ROR2: variants seen among roughly 807,000 people sequenced by gnomAD.
ROR2 encodes tyrosine-protein kinase transmembrane receptor ROR2.
Under a neutral mutation model 74.9 loss-of-function variants are expected in ROR2, and 33 were observed. The observed-to-expected ratio is 0.44, with a 90% CI of 0.33 to 0.59. The LOEUF is 0.59. ROR2 is among the 20% of genes least tolerant of loss of function. The pLI is 0.02. For missense variants in ROR2, 1,216 were observed against 1,313.8 expected, an observed-to-expected ratio of 0.93 and a Z score of 1.15; for synonymous variants, 586 against 558.7, an observed-to-expected ratio of 1.05 and a Z score of -0.69.
intron 1 of ROR2, among the ~76,000 whole-genome samples, chr9:91,842,092 G>A (rs1828797755): frequency 1.3e-5 from 2 of 152,132 alleles, no homozygotes; most frequent in East Asian, 1.9e-4. Flanking sequence ...GCAGACCCAT[G>A]CCTGCAAAGC....
intron 1 of ROR2, among the ~76,000 whole-genome samples, chr9:91,848,096 A>G (rs1215741728): frequency 6.6e-6 from 1 of 152,236 alleles, no homozygotes; most frequent in African/African-American, 2.4e-5. Flanking sequence ...ATGGAAATGG[A>G]TGTGATTTTA....
intron 1 of ROR2, among the ~76,000 whole-genome samples, chr9:91,809,263 T>C (rs1017873673): frequency 3.3e-5 from 5 of 152,154 alleles, no homozygotes; most frequent in African/African-American, 9.7e-5. Context: ...TGCAGATAAT[T>C]TGCTCAATGG....
chr9:91,919,784 A>C (rs1293750351), intron 1 of ROR2, among the ~76,000 whole-genome samples: 1 of 152,058 alleles, frequency 6.6e-6, no homozygotes, highest in South Asian at 2.1e-4. Flanking sequence ...AGCCTGGCCG[A>C]TCTCACACTT....
intron 4 of ROR2, among the ~76,000 whole-genome samples, chr9:91,737,721 C>G (rs1330868930): frequency 1.3e-5 from 2 of 152,078 alleles, no homozygotes; most frequent in East Asian, 3.9e-4. Flanking sequence ...ATTGTCAAAA[C>G]TTGGAAGCAA....
chr9:91,745,576 C>A (rs1825386273), intron 4 of ROR2, among the ~76,000 whole-genome samples: 1 of 151,792 alleles, frequency 6.6e-6, no homozygotes, highest in Non-Finnish European at 1.5e-5. Flanking sequence ...CAGGTGTGTG[C>A]CACCACACCT....
chr9:91,777,500 TCTA>T (rs1203871703), intron 1 of ROR2, among the ~76,000 whole-genome samples: 6 of 152,212 alleles, frequency 3.9e-5, no homozygotes, highest in African/African-American at 1.4e-4. Flanking sequence ...TTTAAATGGC[TCTA>T]CTGTGAACAA....
intron 5 of ROR2, among the ~76,000 whole-genome samples, chr9:91,736,921 G>A (rs772400272): frequency 4.6e-5 from 7 of 152,108 alleles, no homozygotes; most frequent in East Asian, 1.9e-4. Flanking sequence ...CTGATGACCC[G>A]CGACTCTTTC....
At chr9:91,885,123 A>G (rs1426950369) in intron 1 of ROR2, among the ~76,000 whole-genome samples, 2 of 152,220 alleles carry the variant, frequency 1.3e-5, no homozygotes, top group African/African-American at 2.4e-5. Flanking sequence ...CCTTTCTCCA[A>G]AATATTCTCT....
chr9:91,814,896 G>A (rs978508621), intron 1 of ROR2, among the ~76,000 whole-genome samples: 7 of 152,190 alleles, frequency 4.6e-5, no homozygotes, highest in East Asian at 1.9e-4. Context: ...ACCCAGGCCC[G>A]GCTGGTTTCC....
chr9:91,860,524 T>G lies in ROR2; in HGVS notation c.98-84706A>C, dbSNP rs547372791. Among the ~76,000 whole-genome samples the G allele has an allele frequency of 6.6e-5, 10 of 152,298 alleles. No individual in the cohort carries two copies. In the South Asian group the frequency reaches 8.3e-4, roughly 13 times the overall value. On this transcript the variant is annotated intron_variant, in intron 1 of 8. Transcript: ENST00000375708. ...TTGGGGAACTGGCTCACAGCGATCA[T>G]GGAGGCTGAAAGACCCACAATACGC...
rs537329171 is a variant in ROR2 at position 91,946,100 on chromosome 9, T to C, written c.97+3767A>G. On this transcript the variant is annotated intron_variant, in intron 1 of 8. Transcript: ENST00000375708. ...CCCAAAGGGTCACTGAGAAGTAATG[T>C]TTTCAAAGCCAGTCCCTTCAACCCA... Among the ~76,000 whole-genome samples, 6 of 152,254 alleles carry C rather than the reference T, an allele frequency of 3.9e-5. No individual in the cohort carries two copies. The East Asian group carries it at 1.2e-3, about 29-fold the overall frequency.
At chr9:91,882,975 T>C (rs112546879) in intron 1 of ROR2, among the ~76,000 whole-genome samples, 31 of 152,304 alleles carry the variant, frequency 2.0e-4, no homozygotes, top group African/African-American at 7.2e-4. Flanking sequence ...TAGAGATATA[T>C]ACTACAGGTT....
intron 1 of ROR2, among the ~76,000 whole-genome samples, chr9:91,801,085 ACATTTTTGCTCCCACCAT>A (rs1390089924): frequency 2.6e-5 from 4 of 152,102 alleles, no homozygotes; most frequent in Non-Finnish European, 5.9e-5. Context: ...ACCCCCACTT[ACATTTTTGCTCCCACCAT>A]CATTTTCATA....
At position 91,935,307 on chromosome 9, in the gene ROR2, G is replaced by A. The variant is rs937808719; in HGVS notation, c.97+14560C>T. 2.0e-5 allele frequency among the ~76,000 whole-genome samples: 3 copies of A among 152,352 alleles called. No individual in the cohort carries two copies. The East Asian group carries it at 5.8e-4, about 29-fold the overall frequency. On this transcript the variant is annotated intron_variant, in intron 1 of 8. Transcript: ENST00000375708. Reference sequence around the variant, plus strand: ...TGCCCTGCGGGCTCCACAAAAGCTGGAGGAGCAAACGCAGCTCACCTCTTT... The same window carrying A: ...TGCCCTGCGGGCTCCACAAAAGCTGAAGGAGCAAACGCAGCTCACCTCTTT...
At chr9:91,942,142 C>G (rs546727691) in intron 1 of ROR2, among the ~76,000 whole-genome samples, 27 of 152,256 alleles carry the variant, frequency 1.8e-4, no homozygotes, top group Admixed American at 1.1e-3. Context: ...CGCTCATGTC[C>G]TCGACAATTT....
At position 91,724,395 on chromosome 9, in the gene ROR2, T is replaced by A. The variant is rs771759219; in HGVS notation, c.2099A>T (p.Asp700Val). 2.5e-6 allele frequency: 4 copies of A among 1,613,932 alleles called. No individual in the cohort carries two copies. In the African/African-American group the frequency reaches 4.0e-5, roughly 16 times the overall value. The change falls in exon 9 of 9, where the codon GAT (aspartate) becomes GTT (valine). Residue 700 changes from aspartate (D) to valine (V), a missense_variant. Physicochemically the swap from Asp to Val is radical, Grantham distance 152. Transcript: ENST00000375708. ...LQPYCGYSNQ[D>V]VVEMIRNRQV... ...CCGGTTCCGGATCATCTCCACCACA[T>A]CCTGGTTGGAGTACCCGCAGTAGGG...
chr9:91,761,145 G>A (rs1825902421), intron 2 of ROR2, among the ~76,000 whole-genome samples: 1 of 152,096 alleles, frequency 6.6e-6, no homozygotes, highest in Admixed American at 6.5e-5. Context: ...CCTTCTAGAG[G>A]CTCTGTGTGA....
intron 1 of ROR2, among the ~76,000 whole-genome samples, chr9:91,831,262 C>CA (rs1437291902): frequency 2.8e-4 from 37 of 133,496 alleles, no homozygotes; most frequent in Admixed American, 2.1e-3. Context: ...AACTCCATCT[C>CA]AAAAAAACAA....
intron 4 of ROR2, among the ~76,000 whole-genome samples, chr9:91,755,470 G>A (rs1825718777): frequency 1.3e-5 from 2 of 152,256 alleles, no homozygotes; most frequent in African/African-American, 4.8e-5. Flanking sequence ...TACACGATGG[G>A]AGAGTGTGGG....
Sources: gnomAD v4.1 joint callset for allele counts (sites outside exome capture counted in the v4.1 genomes callset) on GRCh38, gnomAD v4.1.1 for gene constraint, MANE v1.5 for transcripts, NCBI Gene and HGNC (gene_info 2026-07-23, HGNC 2026-07-21) for gene names.